Variants in PBX3 observed in about 807,000 individuals in gnomAD.
PBX3 encodes PBX homeobox 3.
PBX3 carries 14 observed loss-of-function variants against 48.5 expected under a neutral mutation model. The ratio of observed to expected loss-of-function variants is 0.29; its 90% CI spans 0.19 to 0.45. The LOEUF is 0.45. Among genes scored for constraint, PBX3 ranks in the 20% least tolerant of loss-of-function variants. The pLI is 1.00. For missense variants in PBX3, 386 were observed against 546.7 expected (o/e 0.71, Z 2.93); for synonymous variants, 210 against 200.3 (o/e 1.05, Z -0.41).
At chr9:125,958,652 A>G (rs1842361571) in intron 5 of PBX3, among the ~76,000 whole-genome samples, 1 of 152,212 alleles carries the variant, frequency 6.6e-6, no homozygotes, top group Non-Finnish European at 1.5e-5. Context: ...CAAAGAAAAT[A>G]TAGAGGAGGT....
chr9:125,799,079 A>T (rs1400895293), intron 2 of PBX3, among the ~76,000 whole-genome samples: 3 of 152,210 alleles, frequency 2.0e-5, no homozygotes, highest in Admixed American at 2.0e-4. Flanking sequence ...AGTAATCATA[A>T]AACTTTATTA....
chr9:125,829,360 T>TTTA (rs1457571661), intron 2 of PBX3, among the ~76,000 whole-genome samples: 1 of 152,178 alleles, frequency 6.6e-6, no homozygotes, highest in Non-Finnish European at 1.5e-5. Flanking sequence ...TACATTTTCT[T>TTTA]TAGCTAATAT....
rs777642477 is a variant in PBX3, at chr9:125,915,819, G to A, written c.408G>A (p.Ala136=). ...GGGSAAAAAA[A]AASGGSSDNS... ...GATCGGCGGCAGCAGCTGCAGCCGC[G>A]GCAGCCTCTGGAGGTTCTTCAGATA... Residue 136 remains alanine, a synonymous_variant, in exon 3 of 9, where the codon GCG becomes GCA. Transcript: ENST00000373489. 1.3e-5 allele frequency: 21 copies of A among 1,613,870 alleles called. No individual in the cohort carries two copies. Among genetic ancestry groups the A allele is most frequent in the Middle Eastern group, 3.3e-4 (2 of 6,080 alleles).
intron 3 of PBX3, 94 bp from the exon 4 acceptor site, chr9:125,929,561 G>T: frequency 1.2e-6 from 1 of 820,516 alleles, no homozygotes; most frequent in Non-Finnish European, 2.0e-6. Flanking sequence ...TAATGCTATT[G>T]GTGAATGCAA....
rs148888035 is a variant in PBX3, at chr9:125,921,337, A to C, written c.516+5410A>C. On this transcript the variant is annotated intron_variant, in intron 3 of 8. Transcript: ENST00000373489. ...TACATTTGAATACTCTTTTTTTTTC[A>C]ACTTCTTTGGAAGCAGTTTTTGTAC... Among the ~76,000 whole-genome samples, 92 of 151,722 alleles carry C rather than the reference A, an allele frequency of 6.1e-4. No homozygotes were observed. The East Asian group carries it at 0.017, about 28-fold the overall frequency.
chr9:125,844,291 T>A (rs1264086904), intron 2 of PBX3, among the ~76,000 whole-genome samples: 1 of 124,036 alleles, frequency 8.1e-6, no homozygotes, highest in Admixed American at 7.7e-5. Context: ...GAATGCCACC[T>A]TTTTTTTTTT....
intron 2 of PBX3, among the ~76,000 whole-genome samples, chr9:125,798,929 C>G (rs1837860673): frequency 6.6e-6 from 1 of 151,824 alleles, no homozygotes; most frequent in South Asian, 2.1e-4. Context: ...ATATATAAGA[C>G]TTTAATATTA....
chr9:125,960,665 A>G lies in PBX3; in HGVS notation c.844-19A>G. The stretch of plus-strand genomic sequence containing the variant: ...TCTTCCTCTCTTCCCCTTCACCTCC[A>G]TGTCCCTGCAATTTGTAGGTATCCA... On this transcript the variant is annotated intron_variant, in intron 5 of 8. Coordinates refer to ENST00000373489, the MANE Select transcript of PBX3 (RefSeq NM_006195.6). 1.9e-6 allele frequency: 3 copies of G among 1,613,284 alleles called. No individual in the cohort carries two copies. The highest frequency in any genetic ancestry group is 2.5e-6 in the Non-Finnish European group (3 of 1,179,266).
At chr9:125,923,149 G>T (rs1348493679) in intron 3 of PBX3, among the ~76,000 whole-genome samples, 1 of 152,196 alleles carries the variant, frequency 6.6e-6, no homozygotes, top group Non-Finnish European at 1.5e-5. Flanking sequence ...GTTTTTAGAT[G>T]CAGACACTTT....
intron 2 of PBX3, among the ~76,000 whole-genome samples, chr9:125,879,183 T>G (rs1239416019): frequency 6.6e-6 from 1 of 151,152 alleles, no homozygotes; most frequent in Non-Finnish European, 1.5e-5. Context: ...GTTCAAGTGA[T>G]TCTCCTGCCT....
At chr9:125,891,508 A>G (rs920763745) in intron 2 of PBX3, among the ~76,000 whole-genome samples, 11 of 152,260 alleles carry the variant, frequency 7.2e-5, no homozygotes, top group Non-Finnish European at 1.6e-4. Flanking sequence ...GTAAAAATGT[A>G]TGGATGTACA....
In PBX3 at chr9:125,866,246, T is replaced by C. The variant is rs369054443; in HGVS notation, c.275-49440T>C. On this transcript the variant is annotated intron_variant, in intron 2 of 8. Coordinates refer to ENST00000373489, the MANE Select transcript of PBX3 (RefSeq NM_006195.6). The stretch of plus-strand genomic sequence containing the variant: ...TAGCAAGTCATTCTATGTCATCATC[T>C]TTACTTGGCTGCATAATATTCCATG... 4.6e-5 allele frequency among the ~76,000 whole-genome samples: 7 copies of C among 152,350 alleles called. 1 individual carries two copies. The highest frequency in any genetic ancestry group is 3.9e-4 in the East Asian group (2 of 5,192).
intron 2 of PBX3, among the ~76,000 whole-genome samples, chr9:125,781,027 C>T (rs2132034765): frequency 7.8e-6 from 1 of 127,952 alleles, no homozygotes; most frequent in African/African-American, 3.2e-5. Context: ...ACGCTCCTCA[C>T]TTTCCAGACT....
intron 2 of PBX3, among the ~76,000 whole-genome samples, chr9:125,849,089 A>T (rs899835922): frequency 4.6e-5 from 7 of 152,014 alleles, no homozygotes; most frequent in African/African-American, 1.4e-4. Flanking sequence ...AAGCTCCAAG[A>T]TGTTAATCAG....
chr9:125,817,863 G>A (rs1166568202), intron 2 of PBX3, among the ~76,000 whole-genome samples: 2 of 152,074 alleles, frequency 1.3e-5, no homozygotes, highest in African/African-American at 2.4e-5. Context: ...TGAGTATAGC[G>A]TGCACCAGCT....
intron 2 of PBX3, among the ~76,000 whole-genome samples, chr9:125,858,759 G>A (rs1839789835): frequency 1.3e-5 from 2 of 151,558 alleles, no homozygotes; most frequent in Non-Finnish European, 1.5e-5. Flanking sequence ...CCGAGTAGCT[G>A]AGATTACAGG....
At chr9:125,868,732 A>C (rs1452633494) in intron 2 of PBX3, among the ~76,000 whole-genome samples, 1 of 152,178 alleles carries the variant, frequency 6.6e-6, no homozygotes, top group Non-Finnish European at 1.5e-5. Context: ...CCTTAGCGAT[A>C]CCCTACATTC....
chr9:125,884,060 TTAATTACAG>T (rs1840443704), intron 2 of PBX3, among the ~76,000 whole-genome samples: 4 of 152,216 alleles, frequency 2.6e-5, no homozygotes, highest in Admixed American at 2.6e-4. Flanking sequence ...CAATTAATCC[TTAATTACAG>T]TAATTAGGCA....
chr9:125,947,311 A>G (rs1842086799), intron 5 of PBX3, among the ~76,000 whole-genome samples: 1 of 152,198 alleles, frequency 6.6e-6, no homozygotes, highest in African/African-American at 2.4e-5. Flanking sequence ...ATAATGTCTT[A>G]TTTTGCTTAT....
Sources: allele counts gnomAD v4.1 joint callset (sites outside exome capture counted in the v4.1 genomes callset), GRCh38; gene constraint gnomAD v4.1.1; transcripts MANE v1.5; gene names NCBI Gene and HGNC (gene_info 2026-07-23, HGNC 2026-07-21).